The following KCNB2 variants were observed in gnomAD, a reference collection of about 807,000 sequenced individuals.
KCNB2 encodes potassium voltage-gated channel subfamily B member 2.
Under a neutral mutation model 61.5 loss-of-function variants are expected in KCNB2, and 15 were observed. The ratio of observed to expected loss-of-function variants is 0.24; its 90% CI spans 0.16 to 0.38. The LOEUF is 0.38. Among genes scored for constraint, KCNB2 ranks in the 10% least tolerant of loss-of-function variants. KCNB2 has a pLI of 1.00. For missense variants in KCNB2, 828 were observed against 1,125.2 expected, an observed-to-expected ratio of 0.74 and a Z score of 3.78; for synonymous variants, 457 against 446.0, an observed-to-expected ratio of 1.02 and a Z score of -0.31.
intron 2 of KCNB2, among the ~76,000 whole-genome samples, chr8:72,749,807 A>T (rs956998271): frequency 8.9e-5 from 13 of 146,820 alleles, no homozygotes; most frequent in South Asian, 6.3e-4. Flanking sequence ...TATAATATAT[A>T]ATATAATTAT....
chr8:72,614,632 T>G (rs1318062499), intron 2 of KCNB2, among the ~76,000 whole-genome samples: 2 of 152,208 alleles, frequency 1.3e-5, no homozygotes, highest in Non-Finnish European at 2.9e-5. Context: ...TTATAACGGC[T>G]CCTGCTCTTA....
chr8:72,744,104 G>A lies in KCNB2; in HGVS notation c.579+175791G>A, dbSNP rs148973221. Among the ~76,000 whole-genome samples, 12 of 152,214 alleles carry A rather than the reference G, an allele frequency of 7.9e-5. No homozygotes were observed. The East Asian group carries it at 2.1e-3, about 27-fold the overall frequency. ...GCCTTTTATCTATTTTGTTGAGACG[G>A]TTGAAAGTGATTTAGGGATACTATT... is the stretch of plus-strand genomic sequence containing the variant. On this transcript the variant is annotated intron_variant, in intron 2 of 2. Transcript: ENST00000523207.
chr8:72,675,306 A>G (rs1223779269), intron 2 of KCNB2, among the ~76,000 whole-genome samples: 1 of 152,202 alleles, frequency 6.6e-6, no homozygotes, highest in Non-Finnish European at 1.5e-5. Context: ...TTTCAAAGCA[A>G]TATTGAAGAA....
At chr8:72,716,600 C>A (rs922599023) in intron 2 of KCNB2, among the ~76,000 whole-genome samples, 1 of 151,962 alleles carries the variant, frequency 6.6e-6, no homozygotes, top group Non-Finnish European at 1.5e-5. Context: ...AGGCCTTTAA[C>A]AAAATTCAAC....
rs188619440 is a variant in KCNB2 at position 72,919,159 on chromosome 8, A to G, written c.580-16776A>G. Among the ~76,000 whole-genome samples, 219 of 152,332 alleles carry G rather than the reference A, an allele frequency of 1.4e-3. 1 individual carries two copies. The highest frequency in any genetic ancestry group is 2.8e-3 in the Non-Finnish European group (188 of 68,038). ...GTATTTATATGCATGCGTATGTTAC[A>G]CCATAGCATTAAGGTGTTTCTATGA... is the stretch of plus-strand genomic sequence containing the variant. On this transcript the variant is annotated intron_variant, in intron 2 of 2. Coordinates refer to ENST00000523207, the MANE Select transcript of KCNB2 (RefSeq NM_004770.3).
intron 2 of KCNB2, among the ~76,000 whole-genome samples, chr8:72,821,506 T>C (rs1352326327): frequency 6.6e-6 from 1 of 151,914 alleles, no homozygotes; most frequent in Non-Finnish European, 1.5e-5. Context: ...TAATAATAGC[T>C]ATGTAATGGA....
chr8:72,792,800 G>A (rs148568416), intron 2 of KCNB2, among the ~76,000 whole-genome samples: 94 of 152,308 alleles, frequency 6.2e-4, no homozygotes, highest in African/African-American at 2.1e-3. Flanking sequence ...ACCCAGTTAA[G>A]TATCTTACCT....
At chr8:72,643,694 A>C (rs1301525991) in intron 2 of KCNB2, among the ~76,000 whole-genome samples, 1 of 152,146 alleles carries the variant, frequency 6.6e-6, no homozygotes, top group East Asian at 1.9e-4. Context: ...TCATGAATTC[A>C]TAATGGAAAG....
At chr8:72,788,740 C>T (rs1295586631) in intron 2 of KCNB2, among the ~76,000 whole-genome samples, 1 of 152,124 alleles carries the variant, frequency 6.6e-6, no homozygotes, top group African/African-American at 2.4e-5. Context: ...CTACCATTCA[C>T]TATATGAAAT....
chr8:72,766,197 A>G (rs1321372767), intron 2 of KCNB2, among the ~76,000 whole-genome samples: 2 of 152,188 alleles, frequency 1.3e-5, no homozygotes, highest in East Asian at 3.9e-4. Context: ...GAAGAGCTTT[A>G]AAGAACACAG....
rs546991823 is a variant in KCNB2 at position 72,648,178 on chromosome 8, G to A, written c.579+79865G>A. On this transcript the variant is annotated intron_variant, in intron 2 of 2. Coordinates refer to ENST00000523207, the MANE Select transcript of KCNB2 (RefSeq NM_004770.3). ...AGTTTCTGCAGTACTCGGTACCCTTGATGTTATGTCTTTATAGGAGAGAAT... is the reference window on the plus strand; with the variant it reads ...AGTTTCTGCAGTACTCGGTACCCTTAATGTTATGTCTTTATAGGAGAGAAT... Among the ~76,000 whole-genome samples, 6 of 152,262 alleles carry A rather than the reference G, an allele frequency of 3.9e-5. No homozygotes were observed. In the South Asian group the frequency reaches 1.2e-3, roughly 32 times the overall value.
intron 2 of KCNB2, among the ~76,000 whole-genome samples, chr8:72,611,973 C>T (rs557672824): frequency 3.9e-5 from 6 of 152,044 alleles, no homozygotes; most frequent in Admixed American, 2.0e-4. Context: ...AATCCTTAAA[C>T]GCAAACTGTT....
chr8:72,614,202 G>T lies in KCNB2; in HGVS notation c.579+45889G>T, dbSNP rs1007831109. Reference sequence around the variant, plus strand: ...CAGTGCTGTTTATTGGGTAAAAATAGTTTTATTAGATATTGATTGGATGCC... The same window carrying T: ...CAGTGCTGTTTATTGGGTAAAAATATTTTTATTAGATATTGATTGGATGCC... On this transcript the variant is annotated intron_variant, in intron 2 of 2. Coordinates refer to ENST00000523207, the MANE Select transcript of KCNB2 (RefSeq NM_004770.3). Among the ~76,000 whole-genome samples the T allele has an allele frequency of 1.2e-4, 19 of 152,100 alleles. 1 individual carries two copies. The highest frequency in any genetic ancestry group is 1.2e-3 in the Admixed American group (18 of 15,266).
At position 72,691,272 on chromosome 8, in the gene KCNB2, G is replaced by A. The variant is rs148704624; in HGVS notation, c.579+122959G>A. The stretch of plus-strand genomic sequence containing the variant: ...TAAAAATGAAGTTGTGTAACTGTGA[G>A]GACACATAGTACCATTTTGGACCAA... On this transcript the variant is annotated intron_variant, in intron 2 of 2. Coordinates refer to ENST00000523207, the MANE Select transcript of KCNB2 (RefSeq NM_004770.3). 1.3e-4 allele frequency among the ~76,000 whole-genome samples: 20 copies of A among 152,248 alleles called. No homozygotes were observed. In the East Asian group the frequency reaches 3.9e-3, roughly 29 times the overall value.
intron 2 of KCNB2, among the ~76,000 whole-genome samples, chr8:72,666,874 G>GT (rs58805659): frequency 0.17 from 25,626 of 151,708 alleles, 2,818 homozygotes; most frequent in African/African-American, 0.31. Context: ...ATTCTTATCT[G>GT]TTTTTGTTGC....
intron 2 of KCNB2, among the ~76,000 whole-genome samples, chr8:72,715,154 C>T (rs1807407339): frequency 2.6e-5 from 4 of 152,172 alleles, no homozygotes; most frequent in Non-Finnish European, 4.4e-5. Flanking sequence ...CACGCAGATT[C>T]GTAAAGCAAG....
chr8:72,696,901 A>C (rs1286761517), intron 2 of KCNB2, among the ~76,000 whole-genome samples: 1 of 152,114 alleles, frequency 6.6e-6, no homozygotes, highest in Admixed American at 6.6e-5. Flanking sequence ...CTGTGTAATT[A>C]ATTTGTTGTT....
At chr8:72,616,847 C>G (rs1805627127) in intron 2 of KCNB2, among the ~76,000 whole-genome samples, 1 of 152,132 alleles carries the variant, frequency 6.6e-6, no homozygotes, top group African/African-American at 2.4e-5. Context: ...ATATAATAGG[C>G]ACAGTTTTCT....
At chr8:72,899,119 T>G (rs7839758) in intron 2 of KCNB2, among the ~76,000 whole-genome samples, 30,587 of 152,118 alleles carry the variant, frequency 0.2, 3,217 homozygotes, top group Non-Finnish European at 0.23. Context: ...ATTCACTACT[T>G]AAGCAGAATT....
Sources: gnomAD v4.1 joint callset for allele counts (sites outside exome capture counted in the v4.1 genomes callset) on GRCh38, gnomAD v4.1.1 for gene constraint, MANE v1.5 for transcripts, NCBI Gene and HGNC (gene_info 2026-07-23, HGNC 2026-07-21) for gene names.